The following PTTG1IP variants were observed in gnomAD, a reference collection of about 807,000 sequenced individuals.
PTTG1IP encodes the protein PTTG1 interacting protein.
In PTTG1IP, 16 loss-of-function variants were observed where a neutral mutation model predicts 24.4. The observed-to-expected ratio is 0.66, with a 90% CI of 0.44 to 1.00. PTTG1IP has a LOEUF of 1.00. PTTG1IP is among the 50% of genes least tolerant of loss of function. The pLI is 0.00. For synonymous variants in PTTG1IP, 89 were observed against 96.8 expected, an observed-to-expected ratio of 0.92 and a Z score of 0.47; for missense variants, 241 against 245.8, an observed-to-expected ratio of 0.98 and a Z score of 0.13.
intron 3 of PTTG1IP, among the ~76,000 whole-genome samples, chr21:44,857,561 C>T (rs1006504924): frequency 2.0e-5 from 3 of 152,242 alleles, no homozygotes; most frequent in Non-Finnish European, 2.9e-5. Flanking sequence ...AGTAGATTAC[C>T]GCATGATTCA....
At chr21:44,862,300 A>C (rs1215330663) in intron 2 of PTTG1IP, among the ~76,000 whole-genome samples, 1 of 152,222 alleles carries the variant, frequency 6.6e-6, no homozygotes, top group Non-Finnish European at 1.5e-5. Flanking sequence ...AGGGCGGATC[A>C]CCTGAGGTCA....
At chr21:44,866,954 T>C (rs2083546726) in intron 1 of PTTG1IP, among the ~76,000 whole-genome samples, 1 of 152,204 alleles carries the variant, frequency 6.6e-6, no homozygotes, top group Non-Finnish European at 1.5e-5. Context: ...CGACCACCTA[T>C]GACTCAGCAA....
intron 1 of PTTG1IP, among the ~76,000 whole-genome samples, chr21:44,871,383 T>C (rs374214401): frequency 1.2e-4 from 19 of 152,228 alleles, no homozygotes; most frequent in African/African-American, 4.3e-4. Flanking sequence ...GGGTCGTCTT[T>C]CCTCCAGATG....
chr21:44,858,957 C>T lies in PTTG1IP; in HGVS notation c.277+2206G>A, dbSNP rs1224995994. 2.0e-5 allele frequency among the ~76,000 whole-genome samples: 3 copies of T among 152,204 alleles called. No homozygotes were observed. In the East Asian group the frequency reaches 5.8e-4, roughly 29 times the overall value. ...GTACAGCCACTCCAAAAACATTTGG[C>T]AGACGTACTAAGGCTAAACACAAAT... On this transcript the variant is annotated intron_variant, in intron 3 of 5. Coordinates refer to ENST00000330938, the MANE Select transcript of PTTG1IP (RefSeq NM_004339.4).
At chr21:44,852,032 AC>A (rs1391871429) in intron 5 of PTTG1IP, among the ~76,000 whole-genome samples, 1 of 152,214 alleles carries the variant, frequency 6.6e-6, no homozygotes, top group Non-Finnish European at 1.5e-5. Context: ...AACTAAGATG[AC>A]CATCAATCTA....
intron 5 of PTTG1IP, among the ~76,000 whole-genome samples, chr21:44,853,507 C>CAAAAAA (rs35396285): frequency 2.1e-5 from 2 of 94,818 alleles, no homozygotes; most frequent in Non-Finnish European, 4.3e-5. Flanking sequence ...GACTCCGTCT[C>CAAAAAA]AAAAAAAAAA....
intron 1 of PTTG1IP, among the ~76,000 whole-genome samples, chr21:44,866,680 A>AAAAC (rs2083544073): frequency 6.9e-6 from 1 of 145,082 alleles, no homozygotes; most frequent in Non-Finnish European, 1.5e-5. Context: ...CCAATCCCAT[A>AAAAC]ACACACACAC....
At chr21:44,859,663 G>C (rs968580351) in intron 3 of PTTG1IP, among the ~76,000 whole-genome samples, 7 of 152,066 alleles carry the variant, frequency 4.6e-5, no homozygotes, top group Non-Finnish European at 1.5e-5. Flanking sequence ...TCCATGGAAG[G>C]GATGAGTTCA....
chr21:44,869,589 G>C (rs1218247128), intron 1 of PTTG1IP, among the ~76,000 whole-genome samples: 1 of 152,230 alleles, frequency 6.6e-6, no homozygotes, highest in Non-Finnish European at 1.5e-5. Flanking sequence ...GTGAGCAACT[G>C]TGCCCAGCTG....
intron 1 of PTTG1IP, among the ~76,000 whole-genome samples, chr21:44,868,894 C>A (rs1165854609): frequency 6.6e-6 from 1 of 152,218 alleles, no homozygotes; most frequent in Admixed American, 6.5e-5. Flanking sequence ...CAAAGCACCT[C>A]CCCACAGGTG....
intron 1 of PTTG1IP, chr21:44,865,751 T>A (rs781718991): frequency 4.1e-4 from 204 of 495,982 alleles, no homozygotes; most frequent in Non-Finnish European, 6.6e-4. Context: ...TTCAGATCTC[T>A]CTGTGAGAGG....
At chr21:44,853,403 G>C (rs987801740) in intron 5 of PTTG1IP, among the ~76,000 whole-genome samples, 1 of 151,872 alleles carries the variant, frequency 6.6e-6, no homozygotes, top group Non-Finnish European at 1.5e-5. Flanking sequence ...AGCTACTCAG[G>C]AGGCTGAGGC....
intron 3 of PTTG1IP, among the ~76,000 whole-genome samples, chr21:44,860,458 G>T (rs1048594659): frequency 8.9e-5 from 8 of 89,542 alleles, no homozygotes; most frequent in African/African-American, 3.6e-4. Flanking sequence ...ACAAAGATAC[G>T]CACACAAAAA....
Position 44,851,379 on chromosome 21 carries a change from A to G in PTTG1IP, c.*202T>C, listed in dbSNP as rs549236975. 8.5e-4 allele frequency: 1,305 copies of G among 1,526,358 alleles called. 18 individuals carry two copies. The South Asian group carries it at 0.014, about 17-fold the overall frequency. The allele number at this position is 1,526,358 out of a possible 1,614,324, so 94.6% of individuals were successfully genotyped here. A position where few individuals can be genotyped will look rare whatever the true frequency, so the allele number is the denominator to read the frequency against. On this transcript the variant is annotated 3_prime_UTR_variant, in exon 6 of 6. Coordinates refer to ENST00000330938, the MANE Select transcript of PTTG1IP (RefSeq NM_004339.4). ...CAAGTGACTAAATCTAGAAACAGAG[A>G]TGAACAGGGAATAGAAGGTCACCAG...
chr21:44,870,052 G>C (rs982431053), intron 1 of PTTG1IP, among the ~76,000 whole-genome samples: 1 of 152,218 alleles, frequency 6.6e-6, no homozygotes, highest in Non-Finnish European at 1.5e-5. Context: ...CGGTCAGTCT[G>C]AGTCAGCGGA....
chr21:44,867,363 G>A (rs561338560), intron 1 of PTTG1IP, among the ~76,000 whole-genome samples: 2 of 152,048 alleles, frequency 1.3e-5, no homozygotes, highest in South Asian at 2.1e-4. Context: ...GTAATTTCGT[G>A]GCTATGCCGC....
chr21:44,863,304 G>A (rs111306423), intron 2 of PTTG1IP, among the ~76,000 whole-genome samples: 1 of 91,784 alleles, frequency 1.1e-5, no homozygotes, highest in Admixed American at 9.7e-5. Flanking sequence ...ACGGCCTCAG[G>A]AGCGTGGACA....
At chr21:44,863,076 G>A (rs561447454) in intron 2 of PTTG1IP, among the ~76,000 whole-genome samples, 1 of 135,640 alleles carries the variant, frequency 7.4e-6, no homozygotes, top group Non-Finnish European at 1.7e-5. Flanking sequence ...AGCCCGCCAC[G>A]GCCTCGGCAA....
intron 1 of PTTG1IP, 128 bp from the exon 2 acceptor site, chr21:44,865,575 T>C (rs764038339): frequency 1.3e-5 from 12 of 899,172 alleles, no homozygotes; most frequent in Admixed American, 1.2e-4. Flanking sequence ...AATTACCAAA[T>C]GAAGGTCCTC....
Sources: gnomAD v4.1 joint callset for allele counts (sites outside exome capture counted in the v4.1 genomes callset) on GRCh38, gnomAD v4.1.1 for gene constraint, MANE v1.5 for transcripts, NCBI Gene and HGNC (gene_info 2026-07-23, HGNC 2026-07-21) for gene names.